DIAPH3: variants seen among roughly 807,000 people sequenced by gnomAD.
DIAPH3 encodes protein diaphanous homolog 3.
DIAPH3 carries 117 observed loss-of-function variants against 144.3 expected under a neutral mutation model. The observed-to-expected ratio is 0.81, with a 90% CI of 0.70 to 0.95. The LOEUF is 0.95. DIAPH3 is among the 40% of genes least tolerant of loss of function. DIAPH3 has a pLI of 0.00. For synonymous variants in DIAPH3, 519 were observed against 488.9 expected, an observed-to-expected ratio of 1.06 and a Z score of -0.81; for missense variants, 1,421 against 1,412.7, an observed-to-expected ratio of 1.01 and a Z score of -0.09.
chr13:59,882,094 C>T (rs951467635), intron 20 of DIAPH3, among the ~76,000 whole-genome samples: 2 of 151,874 alleles, frequency 1.3e-5, no homozygotes, highest in African/African-American at 4.8e-5. Context: ...AGAAGGGTTA[C>T]TTTTCTTTTT....
chr13:59,969,181 C>T (rs765169848), intron 17 of DIAPH3, among the ~76,000 whole-genome samples: 1 of 152,002 alleles, frequency 6.6e-6, no homozygotes, highest in Admixed American at 6.6e-5. Context: ...TTATGTAATA[C>T]CTAAACAATT....
chr13:60,102,165 C>A (rs2058288304), intron 3 of DIAPH3, among the ~76,000 whole-genome samples: 1 of 152,170 alleles, frequency 6.6e-6, no homozygotes, highest in Non-Finnish European at 1.5e-5. Context: ...TTCATTTATG[C>A]TCGAGATCCC....
chr13:60,082,500 A>C (rs561407397), intron 4 of DIAPH3, among the ~76,000 whole-genome samples: 1 of 152,106 alleles, frequency 6.6e-6, no homozygotes, highest in African/African-American at 2.4e-5. Flanking sequence ...ACTAAAAGTT[A>C]GTTATCAGCT....
At chr13:60,046,857 G>A (rs2056093102) in intron 4 of DIAPH3, among the ~76,000 whole-genome samples, 1 of 151,970 alleles carries the variant, frequency 6.6e-6, no homozygotes, top group Non-Finnish European at 1.5e-5. Flanking sequence ...ATCATTCTCA[G>A]CAAACTAACA....
chr13:60,136,309 G>A (rs74085185), intron 1 of DIAPH3, among the ~76,000 whole-genome samples: 1 of 152,082 alleles, frequency 6.6e-6, no homozygotes, highest in African/African-American at 2.4e-5. Flanking sequence ...TTCTAGTTCA[G>A]GAAAATAGTT....
At chr13:59,697,884 A>G (rs2033903853) in intron 27 of DIAPH3, among the ~76,000 whole-genome samples, 1 of 152,236 alleles carries the variant, frequency 6.6e-6, no homozygotes, top group Admixed American at 6.5e-5. Context: ...TTCCCAGAAA[A>G]GGGTTAGATA....
chr13:59,864,442 C>T (rs1373507694), intron 21 of DIAPH3, among the ~76,000 whole-genome samples: 24 of 152,000 alleles, frequency 1.6e-4, no homozygotes. Context: ...TACTAGTCTA[C>T]ACCCTTGTAG....
chr13:59,841,067 T>C (rs1471868342), intron 22 of DIAPH3, among the ~76,000 whole-genome samples: 2 of 152,178 alleles, frequency 1.3e-5, no homozygotes, highest in East Asian at 1.9e-4. Flanking sequence ...AGATTCTATT[T>C]GATTAGGCCA....
intron 1 of DIAPH3, among the ~76,000 whole-genome samples, chr13:60,148,831 A>G (rs935940215): frequency 2.0e-5 from 3 of 152,220 alleles, no homozygotes; most frequent in Non-Finnish European, 4.4e-5. Flanking sequence ...CTGAGTTCTT[A>G]AAGATTATGC....
chr13:59,980,283 C>G (rs918367784), intron 14 of DIAPH3, among the ~76,000 whole-genome samples: 1 of 151,586 alleles, frequency 6.6e-6, no homozygotes, highest in African/African-American at 2.4e-5. Flanking sequence ...AAACTAAAAG[C>G]AAGTTAACTT....
intron 5 of DIAPH3, among the ~76,000 whole-genome samples, chr13:60,039,115 A>T (rs1322772416): frequency 6.6e-6 from 1 of 151,992 alleles, no homozygotes; most frequent in Non-Finnish European, 1.5e-5. Flanking sequence ...ATCTTCATAA[A>T]GCAAGGCAAA....
chr13:59,791,363 T>C (rs1430807513), intron 25 of DIAPH3, among the ~76,000 whole-genome samples: 3 of 152,122 alleles, frequency 2.0e-5, no homozygotes, highest in Non-Finnish European at 4.4e-5. Context: ...ATCACTTTGA[T>C]TGAATGCCTA....
At chr13:59,667,415 G>T (rs1267190172) in intron 27 of DIAPH3, among the ~76,000 whole-genome samples, 2 of 152,156 alleles carry the variant, frequency 1.3e-5, no homozygotes, top group Non-Finnish European at 1.5e-5. Context: ...ATAAATATTT[G>T]TTGGATAAAT....
At position 59,760,663 on chromosome 13, in the gene DIAPH3, T is replaced by C. The variant is rs191454632; in HGVS notation, c.3319+13526A>G. ...GCTTTAATGGAGGAAGGTATGCAAA[T>C]ATAATAGGCCTAATTATCTTATCTC... On this transcript the variant is annotated intron_variant, in intron 27 of 27. Transcript: ENST00000400324. Among the ~76,000 whole-genome samples the C allele has an allele frequency of 9.1e-4, 138 of 152,322 alleles. 3 individuals carry two copies. The East Asian group carries it at 0.021, about 24-fold the overall frequency.
intron 20 of DIAPH3, among the ~76,000 whole-genome samples, chr13:59,885,132 A>G (rs2045350113): frequency 1.3e-5 from 2 of 152,168 alleles, no homozygotes; most frequent in South Asian, 4.1e-4. Context: ...ATGAGTTCTG[A>G]AGATACTCAG....
chr13:59,882,611 C>T (rs1413017256), intron 20 of DIAPH3, among the ~76,000 whole-genome samples: 1 of 151,980 alleles, frequency 6.6e-6, no homozygotes, highest in African/African-American at 2.4e-5. Flanking sequence ...CAGAAATGAA[C>T]TATGGTGCTC....
intron 7 of DIAPH3, among the ~76,000 whole-genome samples, chr13:60,013,996 C>A (rs923190984): frequency 4.6e-5 from 7 of 151,914 alleles, no homozygotes; most frequent in Non-Finnish European, 1.0e-4. Flanking sequence ...AAACTACAAG[C>A]AACAAAAATC....
intron 21 of DIAPH3, among the ~76,000 whole-genome samples, chr13:59,869,276 T>G (rs1345111295): frequency 2.0e-5 from 3 of 152,200 alleles, no homozygotes; most frequent in African/African-American, 7.2e-5. Flanking sequence ...ATTGTTTGAG[T>G]TTGCAATTCC....
chr13:59,831,600 G>C (rs538502464), intron 24 of DIAPH3, among the ~76,000 whole-genome samples: 1 of 152,044 alleles, frequency 6.6e-6, no homozygotes, highest in African/African-American at 2.4e-5. Context: ...AGCTCAGTAA[G>C]AGGTCAAATG....
Sources: allele counts gnomAD v4.1 joint callset (sites outside exome capture counted in the v4.1 genomes callset), GRCh38; gene constraint gnomAD v4.1.1; transcripts MANE v1.5; gene names NCBI Gene and HGNC (gene_info 2026-07-23, HGNC 2026-07-21).